CABIN1: variants seen among roughly 807,000 people sequenced by gnomAD.
The protein encoded by CABIN1 is calcineurin binding protein 1, also known as calcineurin-binding protein cabin-1.
In CABIN1, 133 loss-of-function variants were observed where a neutral mutation model predicts 227.7. That is an observed-to-expected ratio of 0.58 (90% CI 0.51 to 0.67). The LOEUF is 0.67. CABIN1 is among the 30% of genes least tolerant of loss of function. The probability of loss-of-function intolerance (pLI) is 0.00; values close to 1 mark genes in which losing one functional copy is unlikely to be tolerated. For synonymous variants in CABIN1, 1,086 were observed against 1,155.1 expected (o/e 0.94, Z 1.21); for missense variants, 2,408 against 2,852.5 (o/e 0.84, Z 3.55).
At chr22:24,095,818 T>G in intron 24 of CABIN1, 113 bp from the exon 25 acceptor site, 1 of 1,097,664 alleles carries the variant, frequency 9.1e-7, no homozygotes, top group East Asian at 2.4e-5. Flanking sequence ...ACAAGCAGTG[T>G]GTGGCAGCCT....
At chr22:24,141,178 C>A (rs1476235067) in intron 29 of CABIN1, among the ~76,000 whole-genome samples, 1 of 152,242 alleles carries the variant, frequency 6.6e-6, no homozygotes, top group African/African-American at 2.4e-5. Context: ...CTGGCTGGGG[C>A]CTCCATAAGC....
intron 32 of CABIN1, among the ~76,000 whole-genome samples, chr22:24,167,910 C>T (rs1859251230): frequency 6.6e-6 from 1 of 152,160 alleles, no homozygotes; most frequent in Non-Finnish European, 1.5e-5. Context: ...ATGGGGCTAT[C>T]ACCATCAGGC....
intron 29 of CABIN1, among the ~76,000 whole-genome samples, chr22:24,142,413 G>A (rs2044823208): frequency 6.6e-6 from 1 of 152,168 alleles, no homozygotes; most frequent in Non-Finnish European, 1.5e-5. Flanking sequence ...AGAGCAAGGG[G>A]AACAGGTATA....
intron 29 of CABIN1, among the ~76,000 whole-genome samples, chr22:24,144,229 T>A (rs2044966175): frequency 6.6e-6 from 1 of 152,180 alleles, no homozygotes; most frequent in Non-Finnish European, 1.5e-5. Flanking sequence ...ACATCTAAGC[T>A]CTCTGTTCCA....
Position 24,177,890 on chromosome 22 carries a change from G to A in CABIN1, c.6519+73G>A. On this transcript the variant is annotated intron_variant, in intron 36 of 36. Coordinates refer to ENST00000263119, the MANE Select transcript of CABIN1 (RefSeq NM_012295.4). The surrounding 1 kb of genome is among the most constrained non-coding windows in gnomAD (Gnocchi z 4.4). ...GTTACAAAGGGGGCCTAGGATGGGG[G>A]TGGGGGTGGCAGGAGGGCCTGGGGT... 2 of 1,534,026 alleles carry A rather than the reference G, an allele frequency of 1.3e-6. No homozygotes were observed. The highest frequency in any genetic ancestry group is 1.4e-5 in the African/African-American group (1 of 73,322).
At chr22:24,026,267 C>T (rs558117984) in intron 1 of CABIN1, among the ~76,000 whole-genome samples, 3 of 152,334 alleles carry the variant, frequency 2.0e-5, no homozygotes, top group East Asian at 3.9e-4. Context: ...AACCACCATG[C>T]CTGGCCAGGT....
chr22:24,082,077 TTCTC>T (rs1176938448), intron 19 of CABIN1, among the ~76,000 whole-genome samples: 2 of 149,694 alleles, frequency 1.3e-5, no homozygotes, highest in Non-Finnish European at 3.0e-5. Flanking sequence ...CTTGATTTTA[TTCTC>T]TCTCTTTTTT....
chr22:24,169,753 AG>A (rs1430965947), intron 33 of CABIN1, among the ~76,000 whole-genome samples: 1 of 152,178 alleles, frequency 6.6e-6, no homozygotes, highest in African/African-American at 2.4e-5. Context: ...AGGAGATAGG[AG>A]GGCTGTTTCT....
At chr22:24,092,348 G>T (rs56761252) in intron 24 of CABIN1, among the ~76,000 whole-genome samples, 3,163 of 152,242 alleles carry the variant, frequency 0.021, 127 homozygotes, top group African/African-American at 0.071. Context: ...GAAAAGAGCA[G>T]TTCTTTACTC....
At chr22:24,159,349 G>C (rs905006688) in intron 29 of CABIN1, among the ~76,000 whole-genome samples, 1 of 152,252 alleles carries the variant, frequency 6.6e-6, no homozygotes, top group East Asian at 1.9e-4. Flanking sequence ...TGACCAGGCC[G>C]GGCCAAGCCC....
At chr22:24,059,495 G>A (rs929536333) in intron 11 of CABIN1, 132 bp downstream of exon 11, 1 of 1,080,558 alleles carries the variant, frequency 9.3e-7, no homozygotes, top group African/African-American at 1.6e-5. Context: ...GCCTGGATTA[G>A]TCTTGGACCT....
chr22:24,055,729 C>T (rs1289952725), intron 9 of CABIN1, among the ~76,000 whole-genome samples: 2 of 152,182 alleles, frequency 1.3e-5, no homozygotes, highest in Non-Finnish European at 2.9e-5. Flanking sequence ...TAAACATGTA[C>T]ATGGTTGTCT....
chr22:24,147,556 C>T (rs950154873), intron 29 of CABIN1, among the ~76,000 whole-genome samples: 9 of 151,640 alleles, frequency 5.9e-5, no homozygotes, highest in African/African-American at 2.2e-4. Context: ...TCAAGTGATC[C>T]TGCTGCCCTA....
chr22:24,099,807 A>G (rs2042102582), intron 26 of CABIN1, among the ~76,000 whole-genome samples: 1 of 152,208 alleles, frequency 6.6e-6, no homozygotes. Flanking sequence ...GAACCCAAGC[A>G]CTGTCCTCTG....
intron 28 of CABIN1, among the ~76,000 whole-genome samples, chr22:24,121,614 A>G (rs903502056): frequency 6.6e-6 from 1 of 152,158 alleles, no homozygotes. Context: ...GCATGTCCTC[A>G]CTGCTGAAGC....
At chr22:24,166,075 T>C (rs959488165) in intron 31 of CABIN1, among the ~76,000 whole-genome samples, 1 of 152,178 alleles carries the variant, frequency 6.6e-6, no homozygotes, top group African/African-American at 2.4e-5. Flanking sequence ...GGTGGGGCTG[T>C]TGGGAGTTGA....
chr22:24,176,939 G>C (rs138193535), intron 35 of CABIN1, among the ~76,000 whole-genome samples: 8 of 152,232 alleles, frequency 5.3e-5, no homozygotes, highest in African/African-American at 1.2e-4. Flanking sequence ...ATGTGGAGAC[G>C]AGCCAGGCCA....
At chr22:24,121,881 A>G (rs1465276363) in intron 28 of CABIN1, among the ~76,000 whole-genome samples, 1 of 152,218 alleles carries the variant, frequency 6.6e-6, no homozygotes, top group Non-Finnish European at 1.5e-5. Context: ...GGTGTTCCCT[A>G]GTAGTGAGCT....
At chr22:24,057,202 C>T (rs772528238) in intron 10 of CABIN1, among the ~76,000 whole-genome samples, 2 of 152,174 alleles carry the variant, frequency 1.3e-5, no homozygotes, top group South Asian at 4.1e-4. Context: ...TCCCAAAGTG[C>T]TGGGATTATA....
Sources: gnomAD v4.1 joint callset for allele counts (sites outside exome capture counted in the v4.1 genomes callset) on GRCh38, gnomAD v4.1.1 for gene constraint, Gnocchi (gnomAD v3.1) non-coding constraint, MANE v1.5 for transcripts, NCBI Gene and HGNC (gene_info 2026-07-23, HGNC 2026-07-21) for gene names.